The following WDR72 variants were observed in gnomAD, a reference collection of about 807,000 sequenced individuals.
WDR72 encodes the protein WD repeat domain 72, also known as WD repeat-containing protein 72.
A neutral mutation model predicts 124.2 loss-of-function variants in WDR72; 120 were observed. The ratio of observed to expected loss-of-function variants is 0.97; its 90% CI spans 0.83 to 1.12. The LOEUF is 1.12. WDR72 is among the 50% of genes most tolerant of loss of function. The pLI is 0.00. For synonymous variants in WDR72, 452 were observed against 441.7 expected, an observed-to-expected ratio of 1.02 and a Z score of -0.29; for missense variants, 1,387 against 1,278.8, an observed-to-expected ratio of 1.08 and a Z score of -1.29.
chr15:53,516,969 G>A lies in WDR72; in HGVS notation c.*730C>T, dbSNP rs1178180839. ...ACTTAATAAGGATCAATTGTGATAT[G>A]CTGTAAGTTGATTCCCCTTCCCTAG... On this transcript the variant is annotated 3_prime_UTR_variant, in exon 20 of 20. Coordinates refer to ENST00000360509, the MANE Select transcript of WDR72 (RefSeq NM_182758.4). The A allele has an allele frequency of 6.6e-6, 1 of 152,052 alleles. No individual in the cohort carries two copies. Among genetic ancestry groups the A allele is most frequent in the Non-Finnish European group, 1.5e-5 (1 of 67,960 alleles). The allele number at this position is 152,052 out of a possible 1,614,324, so 9.4% of individuals were successfully genotyped here. A position where few individuals can be genotyped will look rare whatever the true frequency, so the allele number is the denominator to read the frequency against.
intron 18 of WDR72, among the ~76,000 whole-genome samples, chr15:53,543,575 A>G (rs528618442): frequency 1.3e-5 from 2 of 150,900 alleles, no homozygotes; most frequent in Admixed American, 6.6e-5. Flanking sequence ...TAACATCACA[A>G]TTAAAAGAAC....
rs928561558 is a variant in WDR72 at position 53,733,288 on chromosome 15, G to C, written c.-12-127C>G. 3 of 1,032,922 alleles carry C rather than the reference G, an allele frequency of 2.9e-6. No individual in the cohort carries two copies. In the African/African-American group the frequency reaches 4.8e-5, roughly 16 times the overall value. 64.0% of individuals were successfully genotyped at this position (1,032,922 alleles called of 1,614,324 possible). On this transcript the variant is annotated intron_variant, in intron 1 of 19. Transcript: ENST00000360509. Reference sequence around the variant, plus strand: ...TGTGTTCTCCCAGTGCTATGGAAAAGGGTGTTTCCCCGTCAATTAGAAGAG... The same window carrying C: ...TGTGTTCTCCCAGTGCTATGGAAAACGGTGTTTCCCCGTCAATTAGAAGAG...
At chr15:53,689,676 G>A (rs928838499) in intron 13 of WDR72, among the ~76,000 whole-genome samples, 1 of 150,454 alleles carries the variant, frequency 6.6e-6, no homozygotes, top group Non-Finnish European at 1.5e-5. Context: ...CAGGGATCTA[G>A]AACTAGAAAT....
At chr15:53,611,012 T>C (rs1173279460) in intron 16 of WDR72, among the ~76,000 whole-genome samples, 1 of 152,124 alleles carries the variant, frequency 6.6e-6, no homozygotes, top group African/African-American at 2.4e-5. Context: ...AGCCAACTTA[T>C]CTTGGCAATG....
At chr15:53,637,793 G>A (rs1434973361) in intron 14 of WDR72, among the ~76,000 whole-genome samples, 1 of 152,022 alleles carries the variant, frequency 6.6e-6, no homozygotes, top group Non-Finnish European at 1.5e-5. Flanking sequence ...CTTTAGCAAT[G>A]ACTTTCTGTA....
intron 18 of WDR72, among the ~76,000 whole-genome samples, chr15:53,591,148 C>G (rs759924642): frequency 6.6e-6 from 1 of 151,972 alleles, no homozygotes; most frequent in African/African-American, 2.4e-5. Flanking sequence ...TTGGAAGAAG[C>G]CTTCTTGAGC....
At chr15:53,532,481 C>T (rs1892533952) in intron 18 of WDR72, among the ~76,000 whole-genome samples, 1 of 152,054 alleles carries the variant, frequency 6.6e-6, no homozygotes. Flanking sequence ...GAACTTCTGT[C>T]ATTTGCAACC....
At chr15:53,552,257 T>G (rs141874097) in intron 18 of WDR72, among the ~76,000 whole-genome samples, 1 of 152,184 alleles carries the variant, frequency 6.6e-6, no homozygotes, top group African/African-American at 2.4e-5. Context: ...AGTTGTAACT[T>G]TAACTGTTTA....
intron 9 of WDR72, among the ~76,000 whole-genome samples, chr15:53,708,391 T>C (rs1205692538): frequency 6.6e-6 from 1 of 152,202 alleles, no homozygotes; most frequent in Non-Finnish European, 1.5e-5. Context: ...ACCCGCTATA[T>C]GGGATTGGTG....
chr15:53,617,695 A>G (rs919576928), intron 14 of WDR72, among the ~76,000 whole-genome samples: 1 of 151,938 alleles, frequency 6.6e-6, no homozygotes, highest in Non-Finnish European at 1.5e-5. Context: ...AAAAATTTTT[A>G]CTACAAGTAG....
chr15:53,702,132 A>G lies in WDR72; in HGVS notation c.1569+2T>C. 6.2e-7 allele frequency: 1 copy of G among 1,609,838 alleles called. No individual in the cohort carries two copies. The highest frequency in any genetic ancestry group is 1.7e-5 in the Admixed American group (1 of 59,958). ...GATGTTATATTTTACTCTTCGTCTTACTTTAAACTTCTCTGGTGACATCAA... is the reference window on the plus strand; with the variant it reads ...GATGTTATATTTTACTCTTCGTCTTGCTTTAAACTTCTCTGGTGACATCAA... On this transcript the variant is annotated splice_donor_variant, in intron 12 of 19. Transcript: ENST00000360509. LOFTEE classifies it high-confidence loss of function.
intron 1 of WDR72, among the ~76,000 whole-genome samples, chr15:53,748,610 C>T (rs1279338567): frequency 6.6e-6 from 1 of 152,124 alleles, no homozygotes. Context: ...GGTAGTTCCT[C>T]ATATCCCAGC....
intron 18 of WDR72, among the ~76,000 whole-genome samples, chr15:53,575,162 A>AGTG (rs397941488): frequency 7.9e-5 from 12 of 152,126 alleles, no homozygotes; most frequent in African/African-American, 2.4e-4. Flanking sequence ...TCATATGAGT[A>AGTG]CTACCATATC....
intron 7 of WDR72, among the ~76,000 whole-genome samples, chr15:53,711,692 A>G (rs1567042866): frequency 6.6e-6 from 1 of 152,218 alleles, no homozygotes. Flanking sequence ...ATCTGGTTAT[A>G]TCATTCCAGA....
intron 11 of WDR72, among the ~76,000 whole-genome samples, chr15:53,703,063 G>A (rs1227964748): frequency 1.3e-5 from 2 of 151,684 alleles, no homozygotes; most frequent in African/African-American, 4.9e-5. Flanking sequence ...ACAGGTGAGC[G>A]CCACCATGCC....
intron 13 of WDR72, among the ~76,000 whole-genome samples, chr15:53,673,145 G>T (rs1239866899): frequency 6.6e-6 from 1 of 151,456 alleles, no homozygotes; most frequent in African/African-American, 2.4e-5. Flanking sequence ...GAAAAGAAAA[G>T]AAAAGAAACT....
At chr15:53,679,168 G>T (rs2016289749) in intron 13 of WDR72, among the ~76,000 whole-genome samples, 1 of 152,180 alleles carries the variant, frequency 6.6e-6, no homozygotes, top group Non-Finnish European at 1.5e-5. Context: ...AAGGACAAAT[G>T]GGGCATTACT....
In WDR72 at chr15:53,711,361, T is replaced by C; in HGVS notation, c.832A>G (p.Ser278Gly). ...CTGTTCAGCAGCTGATAGATGTAACTGTGACCATCTTCTGTCCAGATGAGG... is the reference window on the plus strand; with the variant it reads ...CTGTTCAGCAGCTGATAGATGTAACCGTGACCATCTTCTGTCCAGATGAGG... ...RILIWTEDGH[S>G]YIYQLLNSGL... is the part of the protein sequence containing the mutation. Residue 278 changes from serine to glycine, a missense_variant, in exon 8 of 20, where the codon AGT becomes GGT. By Grantham distance (56) the Ser-to-Gly change is moderately conservative. Coordinates refer to ENST00000360509, the MANE Select transcript of WDR72 (RefSeq NM_182758.4). 1 of 1,614,194 alleles carries C rather than the reference T, an allele frequency of 6.2e-7. No homozygotes were observed. The highest frequency in any genetic ancestry group is 1.1e-5 in the South Asian group (1 of 91,080).
chr15:53,658,383 C>T (rs2140439311), intron 14 of WDR72, among the ~76,000 whole-genome samples: 1 of 152,204 alleles, frequency 6.6e-6, no homozygotes, highest in East Asian at 1.9e-4. Flanking sequence ...TCTATTACAG[C>T]CAGTCAGGTA....
Sources: allele counts gnomAD v4.1 joint callset (sites outside exome capture counted in the v4.1 genomes callset), GRCh38; gene constraint gnomAD v4.1.1; transcripts MANE v1.5; gene names NCBI Gene and HGNC (gene_info 2026-07-23, HGNC 2026-07-21).